EEF2K: variants seen among roughly 807,000 people sequenced by gnomAD.
EEF2K encodes eukaryotic elongation factor 2 kinase.
EEF2K carries 70 observed loss-of-function variants against 93.8 expected under a neutral mutation model. The observed-to-expected ratio is 0.75, with a 90% CI of 0.62 to 0.91. EEF2K has a LOEUF of 0.91. EEF2K is among the 40% of genes least tolerant of loss of function. EEF2K has a pLI of 0.00. For synonymous variants in EEF2K, 376 were observed against 380.8 expected (o/e 0.99, Z 0.15); for missense variants, 935 against 972.9 (o/e 0.96, Z 0.52).
At chr16:22,245,506 C>T (rs1271972025) in intron 3 of EEF2K, among the ~76,000 whole-genome samples, 1 of 151,936 alleles carries the variant, frequency 6.6e-6, no homozygotes, top group Admixed American at 6.6e-5. Context: ...GCATCAGGCT[C>T]TGGGAAACCT....
Position 22,260,534 on chromosome 16 carries a change from G to C in EEF2K, c.1299+5G>C. 1 of 1,614,156 alleles carries C rather than the reference G, an allele frequency of 6.2e-7. No homozygotes were observed. The highest frequency in any genetic ancestry group is 8.5e-7 in the Non-Finnish European group (1 of 1,180,020). On this transcript the variant is annotated splice_donor_5th_base_variant and intron_variant, in intron 11 of 17. Transcript: ENST00000263026. ...GATCATCTAGACAACCACCGGGTGA[G>C]TGTGAAGGGAGGGAGGCTGCAGGCT... is the stretch of plus-strand genomic sequence containing the variant.
Position 22,225,580 on chromosome 16 carries a change from T to C in EEF2K, c.-76-74T>C, listed in dbSNP as rs538363899. The C allele has an allele frequency of 4.1e-6, 5 of 1,219,176 alleles. No homozygotes were observed. The African/African-American group carries it at 7.6e-5, about 19-fold the overall frequency. 75.5% of individuals were successfully genotyped at this position (1,219,176 alleles called of 1,614,324 possible). On this transcript the variant is annotated intron_variant, in intron 1 of 17. Coordinates refer to ENST00000263026, the MANE Select transcript of EEF2K (RefSeq NM_013302.5). Reference sequence around the variant, plus strand: ...CCAGCTCCTGCGATAGCCTGCAGCATTTGGGGTGAGGGTCGGGCGAATTCG... The same window carrying C: ...CCAGCTCCTGCGATAGCCTGCAGCACTTGGGGTGAGGGTCGGGCGAATTCG...
chr16:22,260,568 C>A lies in EEF2K; in HGVS notation c.1299+39C>A, dbSNP rs752265018. The A allele has an allele frequency of 1.7e-5, 27 of 1,612,984 alleles. No individual in the cohort carries two copies. In the Middle Eastern group the frequency reaches 2.0e-3, roughly 120 times the overall value. ...GAGGGAGGCTGCAGGCTTCAGACCC[C>A]AGCAGGGGTAGGAGTGGATTCACTC... On this transcript the variant is annotated intron_variant, in intron 11 of 17. Transcript: ENST00000263026.
At chr16:22,253,297 C>T (rs1485871146) in intron 6 of EEF2K, among the ~76,000 whole-genome samples, 3 of 152,224 alleles carry the variant, frequency 2.0e-5, no homozygotes, top group African/African-American at 7.2e-5. Context: ...CTACTACATA[C>T]AACGCACAGT....
At chr16:22,223,213 G>T (rs1320024156) in intron 1 of EEF2K, among the ~76,000 whole-genome samples, 1 of 150,890 alleles carries the variant, frequency 6.6e-6, no homozygotes, top group East Asian at 1.9e-4. Flanking sequence ...GGAATTGCTG[G>T]ATCATACGGT....
At position 22,236,910 on chromosome 16, in the gene EEF2K, T is replaced by C. The variant is rs552526011; in HGVS notation, c.247-7720T>C. Among the ~76,000 whole-genome samples the C allele has an allele frequency of 4.6e-5, 7 of 151,232 alleles. No homozygotes were observed. In the South Asian group the frequency reaches 1.3e-3, roughly 27 times the overall value. On this transcript the variant is annotated intron_variant, in intron 2 of 17. Coordinates refer to ENST00000263026, the MANE Select transcript of EEF2K (RefSeq NM_013302.5). ...CTGTAGCCAGAATTATGTTTTCCTT[T>C]TTTTATGAAATATCCACAGACCTCT...
In EEF2K at chr16:22,232,471, C is replaced by T. The variant is rs147529432; in HGVS notation, c.246+6496C>T. Among the ~76,000 whole-genome samples, 981 of 152,198 alleles carry T rather than the reference C, an allele frequency of 6.4e-3. 4 individuals carry two copies. Among genetic ancestry groups the T allele is most frequent in the Middle Eastern group, 0.014 (4 of 294 alleles). ...TCTTGAACTCCTGGCCTCAAGCAGT[C>T]CTCCTGCCTCAGCTTCCCAAAGTGT... is the stretch of plus-strand genomic sequence containing the variant. On this transcript the variant is annotated intron_variant, in intron 2 of 17. Transcript: ENST00000263026.
rs183993309 is a variant in EEF2K at position 22,247,634 on chromosome 16, G to A, written c.348-1121G>A. On this transcript the variant is annotated intron_variant, in intron 3 of 17. Transcript: ENST00000263026. ...TGGCCAACTCAGTCTGTTACCATTA[G>A]CTCATCTCCTTTTTGCCCAATCACA... 1.7e-3 allele frequency among the ~76,000 whole-genome samples: 253 copies of A among 152,238 alleles called. 2 individuals carry two copies. Among genetic ancestry groups the A allele is most frequent in the African/African-American group, 5.9e-3 (246 of 41,544 alleles).
intron 4 of EEF2K, 107 bp downstream of exon 4, chr16:22,248,922 G>T: frequency 9.2e-7 from 1 of 1,092,514 alleles, no homozygotes; most frequent in Non-Finnish European, 1.3e-6. Flanking sequence ...TTTAATTTTT[G>T]TAACTTCGGG....
intron 11 of EEF2K, among the ~76,000 whole-genome samples, chr16:22,262,005 A>T (rs1317471566): frequency 7.5e-6 from 1 of 132,642 alleles, no homozygotes; most frequent in African/African-American, 2.7e-5. Context: ...ACCCTGCCAC[A>T]CACACACACA....
chr16:22,212,572 G>A (rs544790650), intron 1 of EEF2K, among the ~76,000 whole-genome samples: 12 of 152,086 alleles, frequency 7.9e-5, no homozygotes, highest in Non-Finnish European at 1.6e-4. Context: ...CGCCTGCCTC[G>A]GCCTCCCAAA....
intron 11 of EEF2K, 32 bp downstream of exon 11, chr16:22,260,561 C>T: frequency 6.2e-7 from 1 of 1,613,518 alleles, no homozygotes; most frequent in Non-Finnish European, 8.5e-7. Flanking sequence ...CTGCAGGCTT[C>T]AGACCCCAGC....
At chr16:22,232,654 G>T (rs192536428) in intron 2 of EEF2K, among the ~76,000 whole-genome samples, 239 of 152,314 alleles carry the variant, frequency 1.6e-3, no homozygotes, top group African/African-American at 5.5e-3. Flanking sequence ...GCACCTGACT[G>T]CAAGAGTAGG....
chr16:22,244,470 T>G (rs924114627), intron 2 of EEF2K, among the ~76,000 whole-genome samples, 160 bp from the exon 3 acceptor site: 1 of 152,090 alleles, frequency 6.6e-6, no homozygotes, highest in Admixed American at 6.6e-5. Flanking sequence ...ATAGGTTCTT[T>G]TGGGGACTGT....
chr16:22,244,580 AG>A, intron 2 of EEF2K, 49 bp from the exon 3 acceptor site: 1 of 1,593,832 alleles, frequency 6.3e-7, no homozygotes, highest in Non-Finnish European at 8.6e-7. Flanking sequence ...CTGTCCCCAA[AG>A]CCCCTGACCT....
intron 11 of EEF2K, 87 bp from the exon 12 acceptor site, chr16:22,263,023 A>G: frequency 1.6e-6 from 2 of 1,261,470 alleles, no homozygotes; most frequent in Non-Finnish European, 2.2e-6. Context: ...GAGGGGAGAA[A>G]GCTAACAGTT....
intron 6 of EEF2K, among the ~76,000 whole-genome samples, chr16:22,252,969 G>A (rs1255240283): frequency 6.6e-6 from 1 of 152,128 alleles, no homozygotes; most frequent in Non-Finnish European, 1.5e-5. Flanking sequence ...CAACACGTGG[G>A]AATTATGGGA....
chr16:22,248,342 C>T (rs79272870), intron 3 of EEF2K, among the ~76,000 whole-genome samples: 131 of 152,274 alleles, frequency 8.6e-4, no homozygotes, highest in African/African-American at 3.0e-3. Flanking sequence ...GGATTACGGG[C>T]GTGAACCACC....
In EEF2K at chr16:22,250,866, C is replaced by T. The variant is rs372444432; in HGVS notation, c.446+175C>T. On this transcript the variant is annotated intron_variant, in intron 5 of 17. Coordinates refer to ENST00000263026, the MANE Select transcript of EEF2K (RefSeq NM_013302.5). ...GGCCACACATTGGGCCTGGCTGTGACGATGGGCTCAGGAAGAACAGGGAAC... is the reference window on the plus strand; with the variant it reads ...GGCCACACATTGGGCCTGGCTGTGATGATGGGCTCAGGAAGAACAGGGAAC... 1.5e-3 allele frequency among the ~76,000 whole-genome samples: 228 copies of T among 152,276 alleles called. 7 individuals carry two copies. The South Asian group carries it at 0.047, about 31-fold the overall frequency.
Sources: allele counts gnomAD v4.1 joint callset (sites outside exome capture counted in the v4.1 genomes callset), GRCh38; gene constraint gnomAD v4.1.1; transcripts MANE v1.5; gene names NCBI Gene and HGNC (gene_info 2026-07-23, HGNC 2026-07-21).